The following GLIS3 variants were observed in gnomAD, a reference collection of about 807,000 sequenced individuals.
The protein encoded by GLIS3 is GLIS family zinc finger 3.
A neutral mutation model predicts 78.6 loss-of-function variants in GLIS3; 53 were observed. That is an observed-to-expected ratio of 0.67 (90% CI 0.54 to 0.85). The LOEUF is 0.85. Ranked by LOEUF, GLIS3 falls within the 40% of genes least tolerant of loss-of-function variation. The probability of loss-of-function intolerance (pLI) is 0.00; values close to 1 mark genes in which losing one functional copy is unlikely to be tolerated. For synonymous variants in GLIS3, 684 were observed against 509.9 expected, an observed-to-expected ratio of 1.34 and a Z score of -4.60; for missense variants, 1,703 against 1,231.1, an observed-to-expected ratio of 1.38 and a Z score of -5.74.
chr9:4,347,210 G>C (rs1389741358), intron 1 of GLIS3: 1 of 152,164 alleles, frequency 6.6e-6, no homozygotes, highest in African/African-American at 2.4e-5. Context: ...TGACAAGAAA[G>C]AGACAGAGGA....
chr9:4,057,709 G>GA (rs35253627), intron 4 of GLIS3, among the ~76,000 whole-genome samples: 40,940 of 151,036 alleles, frequency 0.27, 6,360 homozygotes, highest in East Asian at 0.39. Flanking sequence ...ATGCAGCTAG[G>GA]AAAAAAAAAT....
At chr9:3,832,357 A>G (rs1453382905) in intron 9 of GLIS3, among the ~76,000 whole-genome samples, 2 of 152,182 alleles carry the variant, frequency 1.3e-5, no homozygotes, top group Admixed American at 1.3e-4. Context: ...TTTAACAATA[A>G]CCAATGTAAG....
At chr9:4,015,762 G>A (rs767270610) in intron 4 of GLIS3, among the ~76,000 whole-genome samples, 135 of 151,854 alleles carry the variant, frequency 8.9e-4, no homozygotes, top group African/African-American at 3.0e-3. Flanking sequence ...GGTGGCGGGC[G>A]CCTGTAATCC....
At position 4,255,033 on chromosome 9, in the gene GLIS3, T is replaced by C. The variant is rs4557753; in HGVS notation, c.388+31005A>G. ...AAACTCAACAATGAGAAAACAACCA[T>C]CCCTATTAAAAAATAGGCTAAAGAC... On this transcript the variant is annotated intron_variant, in intron 2 of 10. Transcript: ENST00000381971. Among the ~76,000 whole-genome samples the C allele has an allele frequency of 7.7e-3, 1,175 of 152,124 alleles. 14 individuals carry two copies. The highest frequency in any genetic ancestry group is 0.027 in the African/African-American group (1,126 of 41,488).
intron 9 of GLIS3, among the ~76,000 whole-genome samples, chr9:3,850,255 C>T (rs979840527): frequency 7.2e-5 from 11 of 152,144 alleles, no homozygotes; most frequent in Middle Eastern, 3.2e-3. Flanking sequence ...CACAGGAAGG[C>T]GTGTGATCTG....
chr9:4,249,511 G>A (rs200111246), intron 2 of GLIS3, among the ~76,000 whole-genome samples: 4 of 152,122 alleles, frequency 2.6e-5, no homozygotes, highest in South Asian at 2.1e-4. Flanking sequence ...GCTTAAGGAG[G>A]TTTGGGGCTG....
chr9:4,291,859 C>G (rs1417790964), intron 1 of GLIS3, among the ~76,000 whole-genome samples: 2 of 152,102 alleles, frequency 1.3e-5, no homozygotes, highest in East Asian at 3.9e-4. Flanking sequence ...TTCATATCCT[C>G]CTAGTTTACT....
rs144770158 is a variant in GLIS3 at position 3,889,804 on chromosome 9, A to G, written c.2128+8887T>C. ...TTTAAAAAATTTTTTACATTAAAAA[A>G]TCTTAAAACCATCCTTAGTTCTCAG... On this transcript the variant is annotated intron_variant, in intron 7 of 10. Transcript: ENST00000381971. Among the ~76,000 whole-genome samples, 57 of 152,370 alleles carry G rather than the reference A, an allele frequency of 3.7e-4. 1 individual carries two copies. The highest frequency in any genetic ancestry group is 1.3e-3 in the African/African-American group (55 of 41,590).
intron 2 of GLIS3, among the ~76,000 whole-genome samples, chr9:4,265,157 G>A (rs1169034227): frequency 7.1e-6 from 1 of 141,776 alleles, no homozygotes; most frequent in Non-Finnish European, 1.5e-5. Flanking sequence ...GGGCAACAGA[G>A]TGAGACGCCG....
chr9:4,376,691 C>T, the GLIS3 span, among the ~76,000 whole-genome samples: 4 of 131,646 alleles, frequency 3.0e-5, no homozygotes, highest in African/African-American at 1.1e-4. Flanking sequence ...GAAAGCTCAA[C>T]CTATTGTAAT....
chr9:4,265,322 T>C (rs1260005023), intron 2 of GLIS3, among the ~76,000 whole-genome samples: 2 of 151,918 alleles, frequency 1.3e-5, no homozygotes, highest in African/African-American at 2.4e-5. Flanking sequence ...CCAGGCATTA[T>C]ACTAAAATTC....
At chr9:4,458,447 A>G in the GLIS3 span, among the ~76,000 whole-genome samples, 1 of 152,120 alleles carries the variant, frequency 6.6e-6, no homozygotes, top group Admixed American at 6.5e-5. Context: ...GGGAGTTCCA[A>G]GTGATGATGA....
intron 8 of GLIS3, among the ~76,000 whole-genome samples, chr9:3,856,629 G>A (rs780449724): frequency 6.6e-6 from 1 of 152,152 alleles, no homozygotes; most frequent in Non-Finnish European, 1.5e-5. Context: ...ATATATCTGA[G>A]GTCCAAGAAG....
At chr9:4,106,736 C>T (rs1041376182) in intron 4 of GLIS3, among the ~76,000 whole-genome samples, 4 of 152,122 alleles carry the variant, frequency 2.6e-5, no homozygotes, top group Non-Finnish European at 5.9e-5. Flanking sequence ...AGTAAAATAG[C>T]CCTTCACACC....
At chr9:4,258,996 T>C (rs1825245288) in intron 2 of GLIS3, among the ~76,000 whole-genome samples, 1 of 152,134 alleles carries the variant, frequency 6.6e-6, no homozygotes, top group African/African-American at 2.4e-5. Flanking sequence ...ACCATTTTAC[T>C]CCAGAAACGC....
intron 4 of GLIS3, among the ~76,000 whole-genome samples, chr9:4,102,919 G>T (rs1048361589): frequency 6.6e-6 from 1 of 151,712 alleles, no homozygotes; most frequent in Non-Finnish European, 1.5e-5. Flanking sequence ...AAAGACAGAG[G>T]AATAAGTAGG....
At chr9:3,973,249 G>T (rs1818522046) in intron 4 of GLIS3, among the ~76,000 whole-genome samples, 1 of 152,146 alleles carries the variant, frequency 6.6e-6, no homozygotes, top group African/African-American at 2.4e-5. Flanking sequence ...GCCATCCAGG[G>T]AAGGTCACCT....
chr9:4,250,362 G>C (rs1824247617), intron 2 of GLIS3, among the ~76,000 whole-genome samples: 1 of 152,122 alleles, frequency 6.6e-6, no homozygotes. Flanking sequence ...ATGTGTCCAG[G>C]AATTTATCCA....
At chr9:3,946,896 G>C (rs1006446081) in intron 4 of GLIS3, among the ~76,000 whole-genome samples, 2 of 152,192 alleles carry the variant, frequency 1.3e-5, no homozygotes, top group Non-Finnish European at 2.9e-5. Context: ...CTCATGCAAA[G>C]AAAAATGATC....
Sources: allele counts gnomAD v4.1 joint callset (sites outside exome capture counted in the v4.1 genomes callset), GRCh38; gene constraint gnomAD v4.1.1; transcripts MANE v1.5; gene names NCBI Gene and HGNC (gene_info 2026-07-23, HGNC 2026-07-21).